The following NUDT7 variants were observed in gnomAD, a reference collection of about 807,000 sequenced individuals.
NUDT7 encodes peroxisomal coenzyme A diphosphatase NUDT7.
A neutral mutation model predicts 13.1 loss-of-function variants in NUDT7; 19 were observed. The ratio of observed to expected loss-of-function variants is 1.45; its 90% confidence interval spans 1.01 to 2.13. NUDT7 has a LOEUF of 2.13. NUDT7 is among the 30% of genes most tolerant of loss of function. NUDT7 has a pLI of 0.00. For missense variants in NUDT7, 360 were observed against 291.7 expected, an observed-to-expected ratio of 1.23 and a Z score of -1.71; for synonymous variants, 132 against 109.7, an observed-to-expected ratio of 1.20 and a Z score of -1.27.
At chr16:77,736,743 G>C (rs1164943478) in intron 3 of NUDT7, 1 of 227,304 alleles carries the variant, frequency 4.4e-6, no homozygotes, top group African/African-American at 2.3e-5. Flanking sequence ...TGGGATTACA[G>C]GTGTGAACCA....
intron 2 of NUDT7, among the ~76,000 whole-genome samples, chr16:77,732,446 C>T (rs2014348025): frequency 6.6e-6 from 1 of 152,202 alleles, no homozygotes; most frequent in Admixed American, 6.5e-5. Context: ...TCACCACCCA[C>T]TCATTCACTG....
rs936096213 is a variant in NUDT7, at chr16:77,725,430, G to A, written c.36-1G>A. 2 of 1,606,270 alleles carry A rather than the reference G, an allele frequency of 1.2e-6. No individual in the cohort carries two copies. Among genetic ancestry groups the A allele is most frequent in the South Asian group, 1.1e-5 (1 of 89,588 alleles). Reference sequence around the variant, plus strand: ...GTCTGTCTGGTTTGTTTTTATTTTAGAAACAGTTTGCTAGATGATGCTAAG... The same window carrying A: ...GTCTGTCTGGTTTGTTTTTATTTTAAAAACAGTTTGCTAGATGATGCTAAG... On this transcript the variant is annotated splice_acceptor_variant, in intron 1 of 3. Transcript: ENST00000268533. LOFTEE classifies it high-confidence loss of function.
intron 3 of NUDT7, among the ~76,000 whole-genome samples, chr16:77,739,029 C>T (rs2014575935): frequency 6.6e-6 from 1 of 152,124 alleles, no homozygotes; most frequent in Non-Finnish European, 1.5e-5. Flanking sequence ...TTGTGGTCAC[C>T]AATGGTAGCA....
chr16:77,731,487 C>T (rs186627548), intron 2 of NUDT7, among the ~76,000 whole-genome samples: 59 of 152,250 alleles, frequency 3.9e-4, no homozygotes, highest in African/African-American at 1.2e-3. Context: ...GTAAACAAAC[C>T]TACTGTGTTG....
At chr16:77,726,746 G>A (rs1014749468) in intron 2 of NUDT7, among the ~76,000 whole-genome samples, 24 of 152,246 alleles carry the variant, frequency 1.6e-4, no homozygotes, top group South Asian at 2.1e-4. Flanking sequence ...GCAGTGAGCC[G>A]AGATTGTGCC....
chr16:77,733,127 A>AT (rs2014370773), intron 2 of NUDT7, among the ~76,000 whole-genome samples: 1 of 152,188 alleles, frequency 6.6e-6, no homozygotes, highest in South Asian at 2.1e-4. Context: ...TTAAAAAAAA[A>AT]TTTTTAAGTC....
chr16:77,735,660 T>TA (rs2014456653), intron 2 of NUDT7, among the ~76,000 whole-genome samples, 168 bp from the exon 3 acceptor site: 3 of 152,186 alleles, frequency 2.0e-5, no homozygotes, highest in Non-Finnish European at 4.4e-5. Flanking sequence ...GTTCATTTCT[T>TA]AAAAAGGATT....
At position 77,741,607 on chromosome 16, in the gene NUDT7, T is replaced by G; in HGVS notation, c.374T>G (p.Val125Gly). The G allele has an allele frequency of 6.2e-7, 1 of 1,610,776 alleles. No homozygotes were observed. The highest frequency in any genetic ancestry group is 1.7e-4 in the Middle Eastern group (1 of 6,046). ...IDTDTLITPF[V>G]GLIDHNFQAQ... ...ACAGATACATTGATAACTCCATTTGTGGGTTTAATAGACCACAACTTCCAG... is the reference window on the plus strand; with the variant it reads ...ACAGATACATTGATAACTCCATTTGGGGGTTTAATAGACCACAACTTCCAG... Residue 125 changes from valine to glycine, a missense_variant, in exon 4 of 4, where the codon GTG becomes GGG. Coordinates refer to ENST00000268533, the MANE Select transcript of NUDT7 (RefSeq NM_001105663.3).
At chr16:77,730,151 T>C (rs1316940694) in intron 2 of NUDT7, among the ~76,000 whole-genome samples, 1 of 152,230 alleles carries the variant, frequency 6.6e-6, no homozygotes, top group Non-Finnish European at 1.5e-5. Flanking sequence ...GAACACTTTA[T>C]ATCCATTCAG....
chr16:77,737,771 C>T (rs2014537608), intron 3 of NUDT7, among the ~76,000 whole-genome samples: 1 of 152,130 alleles, frequency 6.6e-6, no homozygotes, highest in Non-Finnish European at 1.5e-5. Context: ...AGACGTGAGC[C>T]ACCACACCCA....
chr16:77,740,170 A>G (rs2014615565), intron 3 of NUDT7, among the ~76,000 whole-genome samples: 1 of 152,126 alleles, frequency 6.6e-6, no homozygotes. Flanking sequence ...TTCCTGCCCC[A>G]AGGACATACG....
intron 3 of NUDT7, among the ~76,000 whole-genome samples, chr16:77,740,265 C>G (rs1483397391): frequency 6.6e-6 from 1 of 152,116 alleles, no homozygotes; most frequent in East Asian, 1.9e-4. Context: ...GTCTCTGTTC[C>G]TAAATTTGGT....
chr16:77,730,197 C>A (rs62041742), intron 2 of NUDT7, among the ~76,000 whole-genome samples: 16,302 of 152,060 alleles, frequency 0.11, 973 homozygotes, highest in East Asian at 0.15. Context: ...ACTATAGTTA[C>A]CATAGTATAC....
intron 1 of NUDT7, 73 bp downstream of exon 1, chr16:77,722,690 G>A (rs1299991438): frequency 2.1e-6 from 3 of 1,444,412 alleles, no homozygotes; most frequent in South Asian, 1.2e-5. Context: ...GGCCACCGGG[G>A]CCTTTTGGCC....
At chr16:77,722,810 A>G (rs1242391857) in intron 1 of NUDT7, among the ~76,000 whole-genome samples, 193 bp downstream of exon 1, 1 of 152,162 alleles carries the variant, frequency 6.6e-6, no homozygotes, top group Non-Finnish European at 1.5e-5. Context: ...CTGGCCAGGA[A>G]CAGAGCCGGC....
chr16:77,734,868 A>G (rs142571843), intron 2 of NUDT7, among the ~76,000 whole-genome samples: 32 of 152,244 alleles, frequency 2.1e-4, no homozygotes, highest in African/African-American at 6.5e-4. Flanking sequence ...CAACTGTTGT[A>G]TGGGGTTTCC....
At position 77,741,729 on chromosome 16, in the gene NUDT7, C is replaced by G. The variant is rs564642809; in HGVS notation, c.496C>G (p.Leu166Val). The change falls in exon 4 of 4, where the codon CTT becomes GTT. Residue 166 changes from leucine to valine, a missense_variant. Transcript: ENST00000268533. Reference sequence around the variant, plus strand: ...CCATGACCAGCATTACGTCACACGTCTTGGTCACCGTTTTATTAATCATAT... The same window carrying G: ...CCATGACCAGCATTACGTCACACGTGTTGGTCACCGTTTTATTAATCATAT... ...QVHDQHYVTR[L>V]GHRFINHIFE... is the part of the protein sequence containing the mutation. 242 of 1,614,108 alleles carry G rather than the reference C, an allele frequency of 1.5e-4. 5 individuals carry two copies. The South Asian group carries it at 2.3e-3, about 15-fold the overall frequency.
rs1160086519 is a variant in NUDT7, at chr16:77,742,201, A to T, written c.*251A>T. ...TATGTTAATAATATTTTTCTTACAC[A>T]TATAATAAAGAATATCTGGCACATA... On this transcript the variant is annotated 3_prime_UTR_variant, in exon 4 of 4. Transcript: ENST00000268533. 1.0e-5 allele frequency: 10 copies of T among 1,004,496 alleles called. No individual in the cohort carries two copies. The highest frequency in any genetic ancestry group is 1.0e-5 in the Non-Finnish European group (8 of 793,232). 62.2% of individuals were successfully genotyped at this position (1,004,496 alleles called of 1,614,324 possible). A position where few individuals can be genotyped will look rare whatever the true frequency, so the allele number is the denominator to read the frequency against.
Position 77,725,505 on chromosome 16 carries a change from A to G in NUDT7, c.110A>G (p.Tyr37Cys), listed in dbSNP as rs565566570. 1.8e-5 allele frequency: 29 copies of G among 1,614,058 alleles called. No individual in the cohort carries two copies. The East Asian group carries it at 4.5e-4, about 25-fold the overall frequency. Reference sequence around the variant, plus strand: ...GGAGGCAAATATTCTCACTTGCCATATAACAAATACTCCGTCCTTTTGCCA... The same window carrying G: ...GGAGGCAAATATTCTCACTTGCCATGTAACAAATACTCCGTCCTTTTGCCA... ...DIGGKYSHLPYNKYSVLLPLV... is the reference protein window; with the variant it reads ...DIGGKYSHLPCNKYSVLLPLV... The change falls in exon 2 of 4, where the codon TAT becomes TGT. Residue 37 changes from tyrosine (Y) to cysteine (C), a missense_variant. Physicochemically the swap from Tyr to Cys is radical, Grantham distance 194 (BLOSUM62 -2). Coordinates refer to ENST00000268533, the MANE Select transcript of NUDT7 (RefSeq NM_001105663.3).
Sources: allele counts gnomAD v4.1 joint callset (sites outside exome capture counted in the v4.1 genomes callset), GRCh38; gene constraint gnomAD v4.1.1; transcripts MANE v1.5; gene names NCBI Gene and HGNC (gene_info 2026-07-23, HGNC 2026-07-21).